Variants in CREBBP observed in about 807,000 individuals in gnomAD.
The protein encoded by CREBBP is CREB-binding protein.
Under a neutral mutation model 265.0 loss-of-function variants are expected in CREBBP, and 19 were observed. The observed-to-expected ratio is 0.07, with a 90% CI of 0.05 to 0.11. CREBBP has a LOEUF of 0.11. Ranked by LOEUF, CREBBP falls within the 10% of genes least tolerant of loss-of-function variation. The pLI, the probability that CREBBP is intolerant of heterozygous loss-of-function variation, is 1.00. For missense variants in CREBBP, 2,525 were observed against 3,219.0 expected (o/e 0.78, Z 5.22); for synonymous variants, 1,457 against 1,223.7 (o/e 1.19, Z -3.98).
chr16:3,781,633 A>C (rs1253813282), intron 6 of CREBBP, among the ~76,000 whole-genome samples: 2 of 152,198 alleles, frequency 1.3e-5, no homozygotes, highest in Non-Finnish European at 2.9e-5. Context: ...CTGCTTCATT[A>C]GTATCGCTCC....
intron 5 of CREBBP, chr16:3,791,265 T>A (rs2053501149): frequency 6.6e-6 from 1 of 152,616 alleles, no homozygotes; most frequent in African/African-American, 2.4e-5. Flanking sequence ...AGCCTACAAA[T>A]GGCAGGGAGC....
At chr16:3,772,266 T>C (rs2053029174) in intron 13 of CREBBP, among the ~76,000 whole-genome samples, 1 of 151,294 alleles carries the variant, frequency 6.6e-6, no homozygotes, top group Non-Finnish European at 1.5e-5. Flanking sequence ...ACCATAAATA[T>C]ATACATCCAT....
chr16:3,783,963 G>C (rs3789032), intron 5 of CREBBP, among the ~76,000 whole-genome samples: 2 of 152,112 alleles, frequency 1.3e-5, no homozygotes, highest in Non-Finnish European at 2.9e-5. Flanking sequence ...CTCATCTGTC[G>C]CAACAACCCA....
At chr16:3,812,332 T>C (rs1282048648) in intron 2 of CREBBP, among the ~76,000 whole-genome samples, 1 of 151,794 alleles carries the variant, frequency 6.6e-6, no homozygotes, top group Non-Finnish European at 1.5e-5. Context: ...GCTCGTGCCA[T>C]CACACCCAGC....
intron 2 of CREBBP, among the ~76,000 whole-genome samples, chr16:3,845,759 C>T (rs1021869926): frequency 3.3e-5 from 5 of 151,860 alleles, no homozygotes; most frequent in South Asian, 4.2e-4. Context: ...TGGTGATGCG[C>T]GCCTGTAGTC....
intron 13 of CREBBP, among the ~76,000 whole-genome samples, chr16:3,772,434 T>A (rs930082450): frequency 2.6e-5 from 4 of 152,086 alleles, no homozygotes; most frequent in African/African-American, 9.7e-5. Flanking sequence ...CAGAATTATT[T>A]GTGAACATTT....
rs142480582 is a variant in CREBBP, at chr16:3,801,851, G to A, written c.976-8225C>T. Among the ~76,000 whole-genome samples, 218 of 152,250 alleles carry A rather than the reference G, an allele frequency of 1.4e-3. 1 individual carries two copies. Among genetic ancestry groups the A allele is most frequent in the African/African-American group, 5.1e-3 (210 of 41,536 alleles). On this transcript the variant is annotated intron_variant, in intron 3 of 30. Transcript: ENST00000262367. The stretch of plus-strand genomic sequence containing the variant: ...TCACATGCAATTTGTAATGTGGAAG[G>A]AGGAGGTGAGTATGGTGTGAGAGCC...
At chr16:3,769,060 C>T (rs976531885) in intron 15 of CREBBP, 114 bp downstream of exon 15, 3 of 1,240,762 alleles carry the variant, frequency 2.4e-6, no homozygotes, top group African/African-American at 3.0e-5. Flanking sequence ...CACATTCAAA[C>T]AGAATATTTT....
chr16:3,756,108 CT>C (rs1323276480), intron 19 of CREBBP, among the ~76,000 whole-genome samples: 1 of 152,050 alleles, frequency 6.6e-6, no homozygotes, highest in African/African-American at 2.4e-5. Flanking sequence ...AACAAAAAGC[CT>C]TCTGTCTTCT....
At chr16:3,860,026 G>C (rs929316901) in intron 1 of CREBBP, among the ~76,000 whole-genome samples, 3 of 152,054 alleles carry the variant, frequency 2.0e-5, no homozygotes, top group Non-Finnish European at 4.4e-5. Context: ...TGGGGGGCGG[G>C]GGCAGTCTTG....
At chr16:3,825,846 CAAGG>C (rs1039903009) in intron 2 of CREBBP, among the ~76,000 whole-genome samples, 2 of 152,092 alleles carry the variant, frequency 1.3e-5, no homozygotes, top group African/African-American at 4.8e-5. Context: ...GAAAAAAATA[CAAGG>C]AAGAATTCAT....
At chr16:3,853,947 C>CA (rs2054907146) in intron 1 of CREBBP, among the ~76,000 whole-genome samples, 1 of 150,650 alleles carries the variant, frequency 6.6e-6, no homozygotes, top group African/African-American at 2.5e-5. Context: ...CAAAAACAAA[C>CA]AAACAAACAA....
intron 1 of CREBBP, among the ~76,000 whole-genome samples, chr16:3,878,033 G>A (rs558705070): frequency 3.9e-5 from 6 of 152,260 alleles, no homozygotes; most frequent in African/African-American, 1.4e-4. Context: ...GCTCCATCTT[G>A]GAAACAGCTG....
intron 3 of CREBBP, among the ~76,000 whole-genome samples, chr16:3,799,451 G>A (rs1346382429): frequency 6.6e-6 from 1 of 152,170 alleles, no homozygotes; most frequent in Non-Finnish European, 1.5e-5. Flanking sequence ...AGGATATAAA[G>A]AAATGGCAAT....
At chr16:3,744,985 G>T in intron 22 of CREBBP, 24 bp from the exon 23 acceptor site, 1 of 1,546,216 alleles carries the variant, frequency 6.5e-7, no homozygotes, top group African/African-American at 1.4e-5. Context: ...GTGGTATGAT[G>T]AGACTGTATA....
At chr16:3,795,850 A>T (rs1017012730) in intron 3 of CREBBP, among the ~76,000 whole-genome samples, 9 of 152,234 alleles carry the variant, frequency 5.9e-5, no homozygotes, top group Admixed American at 6.5e-5. Flanking sequence ...ACATACAGAA[A>T]AATGGAAAGG....
At chr16:3,829,549 G>A (rs927612279) in intron 2 of CREBBP, among the ~76,000 whole-genome samples, 2 of 152,254 alleles carry the variant, frequency 1.3e-5, no homozygotes, top group East Asian at 1.9e-4. Flanking sequence ...CTGATCAGTC[G>A]GAGTTTCAAG....
intron 2 of CREBBP, among the ~76,000 whole-genome samples, chr16:3,844,416 G>T (rs2054625117): frequency 6.6e-6 from 1 of 152,066 alleles, no homozygotes; most frequent in Admixed American, 6.6e-5. Flanking sequence ...AAAATCACAG[G>T]TTAATCAACA....
chr16:3,837,756 A>G (rs1007280079), intron 2 of CREBBP, among the ~76,000 whole-genome samples: 2 of 152,152 alleles, frequency 1.3e-5, no homozygotes, highest in Admixed American at 6.5e-5. Context: ...AAAGAATAAA[A>G]AAGTTTTTAA....
Sources: allele counts gnomAD v4.1 joint callset (sites outside exome capture counted in the v4.1 genomes callset), GRCh38; gene constraint gnomAD v4.1.1; transcripts MANE v1.5; gene names NCBI Gene and HGNC (gene_info 2026-07-23, HGNC 2026-07-21).